Variants in KCNG3 observed in about 807,000 individuals in gnomAD.
The protein encoded by KCNG3 is voltage-gated potassium channel regulatory subunit KCNG3.
KCNG3 carries 15 observed loss-of-function variants against 29.0 expected under a neutral mutation model. That is an observed-to-expected ratio of 0.52 (90% CI 0.35 to 0.80). The LOEUF is 0.80. Ranked by LOEUF, KCNG3 falls within the 30% of genes least tolerant of loss-of-function variation. The probability of loss-of-function intolerance (pLI) is 0.01; values close to 1 mark genes in which losing one functional copy is unlikely to be tolerated. For synonymous variants in KCNG3, 322 were observed against 248.9 expected (o/e 1.29, Z -2.76); for missense variants, 512 against 605.7 (o/e 0.85, Z 1.62).
chr2:42,468,304 G>C (rs1417642535), intron 1 of KCNG3, among the ~76,000 whole-genome samples: 2 of 152,052 alleles, frequency 1.3e-5, no homozygotes, highest in African/African-American at 4.8e-5. Context: ...TAAATGAAAA[G>C]TACAGGTGCT....
the KCNG3 span, among the ~76,000 whole-genome samples, chr2:42,429,699 G>C: frequency 4.6e-5 from 7 of 152,216 alleles, no homozygotes; most frequent in East Asian, 1.4e-3. Flanking sequence ...CTTCCCCCAG[G>C]GCAGGGAGCC....
chr2:42,484,546 TTGTG>T (rs955701237), intron 1 of KCNG3, among the ~76,000 whole-genome samples: 4 of 151,836 alleles, frequency 2.6e-5, no homozygotes, highest in East Asian at 1.9e-4. Flanking sequence ...ATGTATGTGT[TTGTG>T]TGTGTGTGTA....
At chr2:42,486,180 G>A (rs747861555) in intron 1 of KCNG3, among the ~76,000 whole-genome samples, 59 of 152,206 alleles carry the variant, frequency 3.9e-4, no homozygotes, top group South Asian at 2.1e-4. Context: ...GTAGTCAAGC[G>A]AGAGGGTCCC....
intron 1 of KCNG3, among the ~76,000 whole-genome samples, chr2:42,450,766 T>C (rs1333986765): frequency 6.6e-6 from 1 of 152,138 alleles, no homozygotes; most frequent in Non-Finnish European, 1.5e-5. Flanking sequence ...GATGACAAAA[T>C]TGAGGCTGAA....
chr2:42,421,262 T>C, the KCNG3 span, among the ~76,000 whole-genome samples: 1 of 152,224 alleles, frequency 6.6e-6, no homozygotes, highest in African/African-American at 2.4e-5. Context: ...GGGGATACAG[T>C]AATTAATCAC....
chr2:42,419,030 G>A, the KCNG3 span, among the ~76,000 whole-genome samples: 1 of 151,920 alleles, frequency 6.6e-6, no homozygotes. Flanking sequence ...ATATGATTAA[G>A]AATGTACTCA....
chr2:42,412,768 A>G, the KCNG3 span, among the ~76,000 whole-genome samples: 1 of 152,170 alleles, frequency 6.6e-6, no homozygotes, highest in Non-Finnish European at 1.5e-5. Context: ...TGAGAAAGAA[A>G]TACATTCACA....
At chr2:42,390,988 C>T in the KCNG3 span, among the ~76,000 whole-genome samples, 2 of 152,136 alleles carry the variant, frequency 1.3e-5, no homozygotes, top group African/African-American at 4.8e-5. Context: ...ACTCTCATTC[C>T]GGAGGAAAGT....
At chr2:42,429,898 C>G in the KCNG3 span, among the ~76,000 whole-genome samples, 1 of 152,136 alleles carries the variant, frequency 6.6e-6, no homozygotes, top group East Asian at 1.9e-4. Flanking sequence ...GGAAAGAGAA[C>G]AGAGCCACCA....
rs531834820 is a variant in KCNG3 at position 42,459,215 on chromosome 2, T to G, written c.666-14636A>C. Among the ~76,000 whole-genome samples the G allele has an allele frequency of 4.1e-5, 5 of 122,354 alleles. No homozygotes were observed. In the East Asian group the frequency reaches 8.6e-4, roughly 21 times the overall value. The allele number at this position is 122,354 out of a possible 152,430, so 80.3% of individuals were successfully genotyped here. A position where few individuals can be genotyped will look rare whatever the true frequency, so the allele number is the denominator to read the frequency against. On this transcript the variant is annotated intron_variant, in intron 1 of 1. Transcript: ENST00000306078. ...CCATCGTCTCAAAAAAAAAAAAAAA[T>G]AGAGAGAGTGAGAAGACAGAATGGT...
chr2:42,418,013 T>A, the KCNG3 span, among the ~76,000 whole-genome samples: 2 of 151,450 alleles, frequency 1.3e-5, no homozygotes, highest in African/African-American at 4.8e-5. Flanking sequence ...AATAAATAAA[T>A]AAAATATATA....
At chr2:42,471,155 A>ACTGTGTGT (rs1553329806) in intron 1 of KCNG3, among the ~76,000 whole-genome samples, 1 of 137,666 alleles carries the variant, frequency 7.3e-6, no homozygotes, top group Non-Finnish European at 1.5e-5. Flanking sequence ...GTCTCAAAAA[A>ACTGTGTGT]GTGTGTGTGT....
chr2:42,434,593 G>C, the KCNG3 span, among the ~76,000 whole-genome samples: 2 of 144,344 alleles, frequency 1.4e-5, no homozygotes, highest in Admixed American at 7.1e-5. Flanking sequence ...TTGAACCCGG[G>C]AGACAGAGGT....
intron 1 of KCNG3, among the ~76,000 whole-genome samples, chr2:42,461,682 G>A (rs1188748035): frequency 6.6e-6 from 1 of 152,080 alleles, no homozygotes; most frequent in African/African-American, 2.4e-5. Flanking sequence ...CCACCCCAAT[G>A]TACATATATT....
chr2:42,399,056 CTTTTTT>C, the KCNG3 span, among the ~76,000 whole-genome samples: 2 of 107,630 alleles, frequency 1.9e-5, no homozygotes, highest in East Asian at 2.8e-4. Context: ...TTTTTCTTTT[CTTTTTT>C]TTTTTTTTTT....
chr2:42,461,620 G>A (rs912429415), intron 1 of KCNG3, among the ~76,000 whole-genome samples: 4 of 152,084 alleles, frequency 2.6e-5, no homozygotes, highest in South Asian at 2.1e-4. Context: ...CTCCACTCCG[G>A]GTGGGCCCCC....
chr2:42,412,872 C>G, the KCNG3 span, among the ~76,000 whole-genome samples: 1 of 152,116 alleles, frequency 6.6e-6, no homozygotes, highest in Non-Finnish European at 1.5e-5. Flanking sequence ...TCTGAAATAC[C>G]TTTTTCCATT....
At chr2:42,432,934 T>TAAAAAAAAAAAAAAA in the KCNG3 span, among the ~76,000 whole-genome samples, 12 of 132,758 alleles carry the variant, frequency 9.0e-5, no homozygotes, top group South Asian at 2.3e-4. Flanking sequence ...GCTTTTATGA[T>TAAAAAAAAAAAAAAA]AAAAAAAAAA....
the KCNG3 span, among the ~76,000 whole-genome samples, chr2:42,418,872 G>GCA: frequency 6.6e-6 from 1 of 152,238 alleles, no homozygotes; most frequent in Non-Finnish European, 1.5e-5. Context: ...TGAGAATCTT[G>GCA]CACATAATAT....
Sources: allele counts gnomAD v4.1 joint callset (sites outside exome capture counted in the v4.1 genomes callset), GRCh38; gene constraint gnomAD v4.1.1; transcripts MANE v1.5; gene names NCBI Gene and HGNC (gene_info 2026-07-23, HGNC 2026-07-21).